JAK1: variants seen among roughly 807,000 people sequenced by gnomAD.
The protein encoded by JAK1 is tyrosine-protein kinase JAK1.
JAK1 carries 16 observed loss-of-function variants against 136.6 expected under a neutral mutation model. The observed-to-expected ratio is 0.12, with a 90% CI of 0.08 to 0.18. The LOEUF (loss-of-function observed/expected upper bound fraction) is 0.18, where lower values mean the gene tolerates loss of function less well. Among genes scored for constraint, JAK1 ranks in the 10% least tolerant of loss-of-function variants. JAK1 has a pLI of 1.00. For missense variants in JAK1, 859 were observed against 1,450.1 expected, an observed-to-expected ratio of 0.59 and a Z score of 6.62; for synonymous variants, 492 against 519.5, an observed-to-expected ratio of 0.95 and a Z score of 0.72.
chr1:65,062,922 A>G (rs1395589615), intron 1 of JAK1, among the ~76,000 whole-genome samples: 1 of 152,204 alleles, frequency 6.6e-6, no homozygotes, highest in Non-Finnish European at 1.5e-5. Flanking sequence ...GTCTCTGTCT[A>G]TATGGTCTTA....
intron 1 of JAK1, among the ~76,000 whole-genome samples, chr1:65,061,126 G>A (rs1456685060): frequency 1.3e-5 from 2 of 152,106 alleles, no homozygotes; most frequent in Non-Finnish European, 2.9e-5. Flanking sequence ...TTAAAATAAC[G>A]TGGAGTACAA....
rs552337672 is a variant in JAK1 at position 65,024,906 on chromosome 1, G to A, written c.-78+19574C>T. Among the ~76,000 whole-genome samples the A allele has an allele frequency of 1.2e-3, 178 of 152,248 alleles. 1 individual carries two copies. The highest frequency in any genetic ancestry group is 2.6e-4 in the Non-Finnish European group (18 of 68,018). ...GCACGAGAATCATTTGAACCCGGGA[G>A]GTAGAGGATGCAGTGAGCCGAGATC... On this transcript the variant is annotated intron_variant, in intron 2 of 25. Coordinates refer to the JAK1 transcript ENST00000671954.
intron 1 of JAK1, among the ~76,000 whole-genome samples, chr1:64,917,403 C>T (rs1645417285): frequency 6.6e-6 from 1 of 152,122 alleles, no homozygotes; most frequent in Non-Finnish European, 1.5e-5. Flanking sequence ...GGCTCCAACA[C>T]AGGAAATAAA....
chr1:64,896,511 T>C (rs1645015372), intron 1 of JAK1, among the ~76,000 whole-genome samples: 1 of 152,224 alleles, frequency 6.6e-6, no homozygotes, highest in African/African-American at 2.4e-5. Context: ...TATGGTAGGA[T>C]GTAAATAACT....
At chr1:64,965,718 C>G (rs543124115) in intron 1 of JAK1, among the ~76,000 whole-genome samples, 1 of 152,318 alleles carries the variant, frequency 6.6e-6, no homozygotes, top group African/African-American at 2.4e-5. Flanking sequence ...TCCTTTCCCA[C>G]TTCTCGCTGG....
intron 1 of JAK1, among the ~76,000 whole-genome samples, chr1:64,894,840 C>T (rs1019407377): frequency 2.6e-5 from 4 of 152,048 alleles, no homozygotes; most frequent in Admixed American, 2.6e-4. Context: ...GGCCCCCCTA[C>T]ACTTGGCCCC....
chr1:65,064,059 T>C (rs542720889), intron 1 of JAK1, among the ~76,000 whole-genome samples: 1 of 152,304 alleles, frequency 6.6e-6, no homozygotes, highest in South Asian at 2.1e-4. Context: ...TTTGCATTCT[T>C]TGAAATCTGA....
At chr1:64,980,267 C>A (rs1191309639) in intron 2 of JAK1, among the ~76,000 whole-genome samples, 3 of 152,134 alleles carry the variant, frequency 2.0e-5, no homozygotes, top group African/African-American at 7.2e-5. Context: ...GAGGTAACTT[C>A]TGGAGGGACA....
intron 1 of JAK1, among the ~76,000 whole-genome samples, chr1:64,915,677 C>A (rs766547890): frequency 1.3e-5 from 2 of 152,136 alleles, no homozygotes; most frequent in South Asian, 4.1e-4. Context: ...ACTGAGAAAC[C>A]GATTTCTTAA....
At chr1:65,006,933 T>A (rs1292854136) in intron 2 of JAK1, among the ~76,000 whole-genome samples, 1 of 152,256 alleles carries the variant, frequency 6.6e-6, no homozygotes, top group African/African-American at 2.4e-5. Flanking sequence ...GAAAAAAATG[T>A]TAATCCTTAT....
upstream of JAK1, among the ~76,000 whole-genome samples, chr1:64,970,285 C>CA (rs1186943858): frequency 2.0e-5 from 3 of 149,178 alleles, no homozygotes; most frequent in South Asian, 2.1e-4. Flanking sequence ...ACTAAAAATA[C>CA]AAAAAATTAG....
At chr1:65,016,344 G>A (rs1010962024) in intron 2 of JAK1, among the ~76,000 whole-genome samples, 6 of 152,188 alleles carry the variant, frequency 3.9e-5, no homozygotes, top group African/African-American at 7.2e-5. Context: ...TAAATGGGCC[G>A]AGCATGGTGG....
At chr1:64,996,910 G>A (rs1428565688) in intron 2 of JAK1, among the ~76,000 whole-genome samples, 3 of 152,186 alleles carry the variant, frequency 2.0e-5, no homozygotes, top group Admixed American at 6.5e-5. Flanking sequence ...GCACAGAAAG[G>A]AGCAAGGAAA....
intron 8 of JAK1, among the ~76,000 whole-genome samples, chr1:64,864,353 T>G (rs776761368): frequency 2.6e-5 from 4 of 152,236 alleles, no homozygotes; most frequent in Non-Finnish European, 5.9e-5. Flanking sequence ...GGGGTGTGCC[T>G]GACACCATAT....
intron 1 of JAK1, among the ~76,000 whole-genome samples, chr1:65,046,374 G>A (rs1382931747): frequency 5.3e-5 from 8 of 152,182 alleles, no homozygotes; most frequent in Non-Finnish European, 7.3e-5. Flanking sequence ...GATGGAAAAC[G>A]GCTGGAAAGA....
intron 1 of JAK1, among the ~76,000 whole-genome samples, chr1:64,952,292 G>A (rs771214686): frequency 3.4e-4 from 52 of 152,166 alleles, no homozygotes; most frequent in Admixed American, 1.2e-3. Context: ...GTGAAACCAA[G>A]GGCCAGGTTG....
chr1:64,910,582 C>G (rs1645266819), intron 1 of JAK1, among the ~76,000 whole-genome samples: 1 of 152,064 alleles, frequency 6.6e-6, no homozygotes. Context: ...GCCTGGAATC[C>G]CAGCACTTTG....
rs781744573 is a variant in JAK1, at chr1:64,879,065, C to T, written c.289G>A (p.Val97Ile). Reference protein sequence around the residue: ...LWYAPNRTITVDDKMSLRLHY... With the variant: ...LWYAPNRTITIDDKMSLRLHY... ...AGCCGGAGGGACATCTTGTCATCAA[C>T]GGTGATGGTGCGATTTGGAGCATAC... The change falls in exon 4 of 25, where the codon GTT (valine) becomes ATT (isoleucine). Residue 97 changes from valine (V) to isoleucine (I), a missense_variant. Val to Ile is a conservative substitution (Grantham distance 29). Coordinates refer to ENST00000342505, the MANE Select transcript of JAK1 (RefSeq NM_002227.4). 9 of 1,613,968 alleles carry T rather than the reference C, an allele frequency of 5.6e-6. No homozygotes were observed. The highest frequency in any genetic ancestry group is 4.5e-5 in the East Asian group (2 of 44,866).
chr1:64,903,180 C>T (rs1484331811), intron 1 of JAK1, among the ~76,000 whole-genome samples: 3 of 152,154 alleles, frequency 2.0e-5, no homozygotes, highest in African/African-American at 4.8e-5. Context: ...GCATGCACCA[C>T]CACGCCTGGT....
Sources: allele counts gnomAD v4.1 joint callset (sites outside exome capture counted in the v4.1 genomes callset), GRCh38; gene constraint gnomAD v4.1.1; transcripts MANE v1.5; gene names NCBI Gene and HGNC (gene_info 2026-07-23, HGNC 2026-07-21).